The following ACACB variants were observed in gnomAD, a reference collection of about 807,000 sequenced individuals.
ACACB encodes acetyl-CoA carboxylase 2.
In ACACB, 209 loss-of-function variants were observed where a neutral mutation model predicts 278.8. The ratio of observed to expected loss-of-function variants is 0.75; its 90% CI spans 0.67 to 0.84. ACACB has a LOEUF of 0.84. ACACB is among the 40% of genes least tolerant of loss of function. The probability of loss-of-function intolerance (pLI) is 0.00; values close to 1 mark genes in which losing one functional copy is unlikely to be tolerated. For missense variants in ACACB, 2,850 were observed against 3,269.0 expected (o/e 0.87, Z 3.13); for synonymous variants, 1,174 against 1,285.6 (o/e 0.91, Z 1.86).
At position 109,227,381 on chromosome 12, in the gene ACACB, G is replaced by A. The variant is rs372460687; in HGVS notation, c.3893G>A (p.Arg1298Gln). Reference sequence around the variant, plus strand: ...TTTCTGCCTTGTCAGGTTTACGTGCGGAGGGGCTACATCGCCTATGAGTTA... The same window carrying A: ...TTTCTGCCTTGTCAGGTTTACGTGCAGAGGGGCTACATCGCCTATGAGTTA... The part of the protein sequence containing the change: ...VCMASLEVYV[R>Q]RGYIAYELNS... The change falls in exon 28 of 53, where the codon CGG becomes CAG. Residue 1298 changes from arginine (R) to glutamine (Q), a missense_variant. This residue lies in a region of ACACB where 2,265 missense variants were observed against 2,561.3 expected (regional missense o/e 0.88). Coordinates refer to ENST00000338432, the MANE Select transcript of ACACB (RefSeq NM_001093.4). 49 of 1,611,844 alleles carry A rather than the reference G, an allele frequency of 3.0e-5. No individual in the cohort carries two copies. In the East Asian group the frequency reaches 4.9e-4, roughly 16 times the overall value.
At chr12:109,247,562 G>A (rs755753623) in intron 39 of ACACB, 44 bp from the exon 40 acceptor site, 1 of 1,439,364 alleles carries the variant, frequency 6.9e-7, no homozygotes, top group South Asian at 1.2e-5. Flanking sequence ...GTGGCTTTCA[G>A]TGCAGGGAAC....
chr12:109,183,898 A>T (rs898641990), intron 11 of ACACB, among the ~76,000 whole-genome samples: 7 of 151,668 alleles, frequency 4.6e-5, no homozygotes, highest in South Asian at 2.1e-4. Flanking sequence ...AGAATTTTTT[A>T]AAAAGTTTTC....
intron 2 of ACACB, among the ~76,000 whole-genome samples, chr12:109,163,594 G>GA (rs1337610869): frequency 6.6e-6 from 1 of 152,126 alleles, no homozygotes; most frequent in African/African-American, 2.4e-5. Context: ...AGGACTTCGG[G>GA]AAAAAATAGA....
intron 1 of ACACB, among the ~76,000 whole-genome samples, chr12:109,121,770 C>A (rs1053445049): frequency 1.3e-5 from 2 of 152,208 alleles, no homozygotes; most frequent in Non-Finnish European, 2.9e-5. Context: ...AGCAAGTGTT[C>A]ACTGACCCTG....
At chr12:109,202,413 C>T (rs957315337) in intron 19 of ACACB, among the ~76,000 whole-genome samples, 2 of 152,168 alleles carry the variant, frequency 1.3e-5, no homozygotes, top group Admixed American at 6.5e-5. Context: ...CTCCCTGGTT[C>T]AAGTGATTCT....
chr12:109,116,836 C>T (rs919839107), intron 1 of ACACB, 132 bp downstream of exon 1: 1 of 152,112 alleles, frequency 6.6e-6, no homozygotes, highest in African/African-American at 2.4e-5. Flanking sequence ...AAACGACTCC[C>T]GTCATGTTTG....
upstream of ACACB, among the ~76,000 whole-genome samples, chr12:109,112,469 G>A (rs1354390671): frequency 1.3e-5 from 2 of 151,786 alleles, no homozygotes; most frequent in Non-Finnish European, 2.9e-5. Flanking sequence ...TTGGGTGGCC[G>A]AGGTGGGTGG....
In ACACB at chr12:109,210,274, TAC is replaced by T. The variant is rs201686543; in HGVS notation, c.3249+929_3249+930del. ...ACACACATGTGTGTATATGTACATA[TAC>T]ACACACATATCTGTGTGTATATGTA... is the stretch of plus-strand genomic sequence containing the variant. On this transcript the variant is annotated intron_variant, in intron 21 of 52. Coordinates refer to ENST00000338432, the MANE Select transcript of ACACB (RefSeq NM_001093.4). Among the ~76,000 whole-genome samples, 12 of 68,570 alleles carry T rather than the reference TAC, an allele frequency of 1.8e-4. 1 individual carries two copies. The highest frequency in any genetic ancestry group is 5.5e-4 in the East Asian group (1 of 1,822). 45.0% of individuals were successfully genotyped at this position (68,570 alleles called of 152,430 possible).
chr12:109,132,392 T>G (rs537815869), intron 1 of ACACB, among the ~76,000 whole-genome samples: 1 of 152,318 alleles, frequency 6.6e-6, no homozygotes, highest in Admixed American at 6.5e-5. Context: ...CTCAAACTTC[T>G]GACTTCAGGT....
At chr12:109,138,266 G>A (rs115088170) in intron 1 of ACACB, among the ~76,000 whole-genome samples, 2,007 of 152,230 alleles carry the variant, frequency 0.013, 61 homozygotes, top group African/African-American at 0.045. Context: ...GCAGAGTTAG[G>A]GTGATAGAAA....
chr12:109,120,369 AGG>A (rs1448957271), intron 1 of ACACB, among the ~76,000 whole-genome samples: 1 of 152,176 alleles, frequency 6.6e-6, no homozygotes, highest in Non-Finnish European at 1.5e-5. Context: ...TTTTTTGGCA[AGG>A]GTGGGGACCA....
chr12:109,126,551 G>A (rs1188941487), intron 1 of ACACB, among the ~76,000 whole-genome samples: 5 of 152,140 alleles, frequency 3.3e-5, no homozygotes, highest in African/African-American at 1.2e-4. Context: ...AGATGTCGTG[G>A]TGTGCACCTG....
At chr12:109,253,467 T>A (rs2047148690) in intron 43 of ACACB, among the ~76,000 whole-genome samples, 1 of 152,172 alleles carries the variant, frequency 6.6e-6, no homozygotes, top group Non-Finnish European at 1.5e-5. Context: ...AGCTTTACAG[T>A]CAGGCTGGAT....
At chr12:109,258,658 C>G (rs145467677) in intron 46 of ACACB, among the ~76,000 whole-genome samples, 15 of 152,330 alleles carry the variant, frequency 9.8e-5, no homozygotes, top group African/African-American at 3.6e-4. Context: ...AGGGCACAGA[C>G]TGAGAAGAGC....
intron 2 of ACACB, among the ~76,000 whole-genome samples, chr12:109,161,348 A>G (rs974035633): frequency 2.0e-5 from 3 of 152,006 alleles, no homozygotes; most frequent in African/African-American, 7.3e-5. Context: ...GTTCAAGACC[A>G]CTCTGGCCAA....
At chr12:109,156,660 G>A (rs1229717071) in intron 2 of ACACB, among the ~76,000 whole-genome samples, 1 of 146,226 alleles carries the variant, frequency 6.8e-6, no homozygotes, top group Non-Finnish European at 1.5e-5. Context: ...CTGAATCTCT[G>A]CCTCCATCCT....
At chr12:109,116,164 C>T (rs73195474), upstream of ACACB, among the ~76,000 whole-genome samples, 3,183 of 152,302 alleles carry the variant, frequency 0.021, 48 homozygotes, top group African/African-American at 0.027. Context: ...CATTAAGTGG[C>T]GTGATTTGAG....
chr12:109,262,527 C>G, intron 49 of ACACB, 58 bp downstream of exon 49: 1 of 1,062,808 alleles, frequency 9.4e-7, no homozygotes. Context: ...AGCTGGCCCA[C>G]TGCTGGGGGT....
chr12:109,133,174 T>C (rs543850601), intron 1 of ACACB, among the ~76,000 whole-genome samples: 1 of 152,312 alleles, frequency 6.6e-6, no homozygotes, highest in South Asian at 2.1e-4. Context: ...ATGTAAACAA[T>C]GTATTCTCAC....
Sources: allele counts gnomAD v4.1 joint callset (sites outside exome capture counted in the v4.1 genomes callset), GRCh38; gene constraint gnomAD v4.1.1; regional missense constraint gnomAD v4.1.1; transcripts MANE v1.5; gene names NCBI Gene and HGNC (gene_info 2026-07-23, HGNC 2026-07-21).